The following TRIM44 variants were observed in gnomAD, a reference collection of about 807,000 sequenced individuals.
TRIM44 encodes the protein tripartite motif-containing protein 44.
A neutral mutation model predicts 37.4 loss-of-function variants in TRIM44; 13 were observed. That is an observed-to-expected ratio of 0.35 (90% CI 0.23 to 0.55). The LOEUF is 0.55. Among genes scored for constraint, TRIM44 ranks in the 20% least tolerant of loss-of-function variants. TRIM44 has a pLI of 0.89. For missense variants in TRIM44, 426 were observed against 437.2 expected, an observed-to-expected ratio of 0.97 and a Z score of 0.23; for synonymous variants, 175 against 157.2, an observed-to-expected ratio of 1.11 and a Z score of -0.85.
chr11:35,676,205 G>T (rs891347759), intron 1 of TRIM44, among the ~76,000 whole-genome samples: 1 of 152,160 alleles, frequency 6.6e-6, no homozygotes, highest in South Asian at 2.1e-4. Context: ...GATCATAGAT[G>T]TAAAGAGTTT....
chr11:35,672,645 G>C (rs1260937550), intron 1 of TRIM44, among the ~76,000 whole-genome samples: 1 of 152,146 alleles, frequency 6.6e-6, no homozygotes, highest in Non-Finnish European at 1.5e-5. Flanking sequence ...TGGTGTCTGG[G>C]TGAATGGGAG....
chr11:35,777,420 G>A (rs540909256), intron 4 of TRIM44, among the ~76,000 whole-genome samples: 1 of 152,216 alleles, frequency 6.6e-6, no homozygotes, highest in South Asian at 2.1e-4. Flanking sequence ...TTGCCAGTCT[G>A]TGTCTTTTAA....
intron 2 of TRIM44, among the ~76,000 whole-genome samples, chr11:35,722,941 C>T (rs1730084022): frequency 6.6e-6 from 1 of 152,062 alleles, no homozygotes. Flanking sequence ...TAACCCTGAC[C>T]ATTATTCTCA....
At chr11:35,769,814 G>A (rs1333770254) in intron 4 of TRIM44, among the ~76,000 whole-genome samples, 1 of 152,288 alleles carries the variant, frequency 6.6e-6, no homozygotes, top group East Asian at 1.9e-4. Flanking sequence ...TGAGTGTAAG[G>A]AATTAGATGT....
At chr11:35,791,391 G>C (rs530441113) in intron 4 of TRIM44, among the ~76,000 whole-genome samples, 1 of 152,142 alleles carries the variant, frequency 6.6e-6, no homozygotes, top group South Asian at 2.1e-4. Flanking sequence ...CATAGCCCTT[G>C]TTCACATTTT....
At chr11:35,725,057 T>TGC (rs1459240019) in intron 2 of TRIM44, among the ~76,000 whole-genome samples, 1 of 115,798 alleles carries the variant, frequency 8.6e-6, no homozygotes, top group Non-Finnish European at 1.6e-5. Context: ...CTAGGAGACA[T>TGC]GCACACACTC....
At chr11:35,762,036 A>T (rs1852737204) in intron 4 of TRIM44, among the ~76,000 whole-genome samples, 2 of 152,160 alleles carry the variant, frequency 1.3e-5, no homozygotes, top group South Asian at 4.1e-4. Flanking sequence ...GGGTGCTTTC[A>T]TGGCAGTGGC....
Position 35,767,561 on chromosome 11 carries a change from ATAT to A in TRIM44, c.1007+32120_1007+32122del, listed in dbSNP as rs146365054. On this transcript the variant is annotated intron_variant, in intron 4 of 4. Transcript: ENST00000299413. Reference sequence around the variant, plus strand: ...TGTGCTGTGGTGGGATAATGAGGAAATATTATGAGAATAATGTTCTTTCTCTGT... The same window carrying A: ...TGTGCTGTGGTGGGATAATGAGGAAATATGAGAATAATGTTCTTTCTCTGT... Among the ~76,000 whole-genome samples, 2,090 of 152,088 alleles carry A rather than the reference ATAT, an allele frequency of 0.014. 113 individuals are homozygous for A. The East Asian group carries it at 0.14, about 10-fold the overall frequency.
chr11:35,732,144 T>G (rs1852269288), intron 3 of TRIM44, among the ~76,000 whole-genome samples: 1 of 152,196 alleles, frequency 6.6e-6, no homozygotes, highest in Non-Finnish European at 1.5e-5. Flanking sequence ...TTCAACTTAG[T>G]TCTTATGTGA....
chr11:35,757,098 C>G (rs140113611), intron 4 of TRIM44, among the ~76,000 whole-genome samples: 165 of 152,190 alleles, frequency 1.1e-3, no homozygotes, highest in African/African-American at 3.5e-3. Context: ...CTCCTTGTAC[C>G]TCTGGTAGAA....
intron 4 of TRIM44, among the ~76,000 whole-genome samples, chr11:35,755,840 T>C (rs1333953251): frequency 1.8e-4 from 27 of 151,978 alleles, no homozygotes; most frequent in African/African-American, 4.8e-4. Flanking sequence ...TTTCTGAGGG[T>C]TCTGTTCTGT....
intron 1 of TRIM44, among the ~76,000 whole-genome samples, chr11:35,664,864 G>A (rs1046496800): frequency 3.3e-5 from 5 of 152,136 alleles, no homozygotes; most frequent in Non-Finnish European, 7.4e-5. Context: ...TCTCTCTTCT[G>A]CATAAGTAAG....
intron 4 of TRIM44, among the ~76,000 whole-genome samples, chr11:35,789,697 G>T (rs930288439): frequency 6.6e-6 from 1 of 152,124 alleles, no homozygotes; most frequent in Non-Finnish European, 1.5e-5. Flanking sequence ...CAGTTAAGCC[G>T]TCTTAGAGGG....
chr11:35,778,318 A>T (rs1272218987), intron 4 of TRIM44, among the ~76,000 whole-genome samples: 2 of 152,152 alleles, frequency 1.3e-5, no homozygotes, highest in Non-Finnish European at 2.9e-5. Context: ...AGGTCATTTA[A>T]GGTGTTCTCT....
intron 2 of TRIM44, among the ~76,000 whole-genome samples, chr11:35,704,564 C>G (rs547323057): frequency 1.3e-5 from 2 of 152,108 alleles, no homozygotes; most frequent in Non-Finnish European, 2.9e-5. Flanking sequence ...GCGGATCTCT[C>G]GGCAGAAACT....
chr11:35,672,455 G>GCAAA (rs1851406203), intron 1 of TRIM44, among the ~76,000 whole-genome samples: 1 of 152,240 alleles, frequency 6.6e-6, no homozygotes, highest in African/African-American at 2.4e-5. Flanking sequence ...GTGGCAAAGG[G>GCAAA]AGAAGTGGTT....
chr11:35,786,662 A>G (rs535953815), intron 4 of TRIM44, among the ~76,000 whole-genome samples: 152 of 152,346 alleles, frequency 1.0e-3, no homozygotes, highest in Non-Finnish European at 1.7e-3. Flanking sequence ...ACAGAGAATC[A>G]TAATGCCTTC....
intron 4 of TRIM44, among the ~76,000 whole-genome samples, chr11:35,775,346 T>C (rs949111560): frequency 2.6e-5 from 4 of 152,244 alleles, no homozygotes; most frequent in Non-Finnish European, 5.9e-5. Flanking sequence ...CTGAAGTTGC[T>C]TATCAGCTTA....
intron 2 of TRIM44, among the ~76,000 whole-genome samples, chr11:35,721,489 G>A (rs1398173845): frequency 2.6e-5 from 4 of 152,172 alleles, no homozygotes; most frequent in Non-Finnish European, 2.9e-5. Flanking sequence ...GATACCTGAA[G>A]TAACTAAGCG....
Sources: gnomAD v4.1 joint callset for allele counts (sites outside exome capture counted in the v4.1 genomes callset) on GRCh38, gnomAD v4.1.1 for gene constraint, MANE v1.5 for transcripts, NCBI Gene and HGNC (gene_info 2026-07-23, HGNC 2026-07-21) for gene names.